Variants in KCMF1 observed in about 807,000 individuals in gnomAD.
The protein encoded by KCMF1 is E3 ubiquitin-protein ligase KCMF1.
A neutral mutation model predicts 41.1 loss-of-function variants in KCMF1; 3 were observed. The observed-to-expected ratio is 0.07, with a 90% confidence interval of 0.03 to 0.19. The LOEUF is 0.19. Among genes scored for constraint, KCMF1 ranks in the 10% least tolerant of loss-of-function variants. The pLI, the probability that KCMF1 is intolerant of heterozygous loss-of-function variation, is 1.00. For missense variants in KCMF1, 286 were observed against 488.9 expected, an observed-to-expected ratio of 0.58 and a Z score of 3.91; for synonymous variants, 142 against 164.5, an observed-to-expected ratio of 0.86 and a Z score of 1.04.
chr2:85,026,018 T>C (rs1675094869), intron 1 of KCMF1, among the ~76,000 whole-genome samples: 1 of 151,776 alleles, frequency 6.6e-6, no homozygotes, highest in East Asian at 1.9e-4. Flanking sequence ...AAAGACAGAG[T>C]CTCACTCTGT....
At chr2:84,995,833 A>G (rs1288337310) in intron 1 of KCMF1, among the ~76,000 whole-genome samples, 2 of 152,216 alleles carry the variant, frequency 1.3e-5, no homozygotes, top group Non-Finnish European at 2.9e-5. Flanking sequence ...TACTTTAAGT[A>G]AAATGCTCAA....
chr2:84,976,474 G>C, intron 1 of KCMF1, among the ~76,000 whole-genome samples: 1 of 151,918 alleles, frequency 6.6e-6, no homozygotes, highest in Non-Finnish European at 1.5e-5. Context: ...CTAAAGTGCT[G>C]GGATTACCGG....
chr2:84,977,005 T>G (rs1188814293), intron 1 of KCMF1, among the ~76,000 whole-genome samples: 2 of 152,112 alleles, frequency 1.3e-5, no homozygotes, highest in African/African-American at 2.4e-5. Context: ...TAATTTTCTC[T>G]CTCTCTCTCC....
intron 1 of KCMF1, among the ~76,000 whole-genome samples, chr2:84,998,203 T>C (rs1332002575): frequency 1.3e-5 from 2 of 152,068 alleles, no homozygotes; most frequent in African/African-American, 4.8e-5. Flanking sequence ...GCACTTCTCC[T>C]GCCTCAGCCT....
At chr2:85,008,674 G>A (rs954315563) in intron 1 of KCMF1, among the ~76,000 whole-genome samples, 3 of 151,594 alleles carry the variant, frequency 2.0e-5, no homozygotes, top group Non-Finnish European at 2.9e-5. Context: ...GGAAACATGC[G>A]TATCAAGCCA....
chr2:85,044,458 C>G (rs1454267554), intron 4 of KCMF1, among the ~76,000 whole-genome samples: 3 of 152,094 alleles, frequency 2.0e-5, no homozygotes, highest in Non-Finnish European at 4.4e-5. Flanking sequence ...TTATTGCAAC[C>G]TCCACCTCCT....
chr2:85,025,475 C>T (rs559776106), intron 1 of KCMF1, among the ~76,000 whole-genome samples: 1 of 152,280 alleles, frequency 6.6e-6, no homozygotes, highest in East Asian at 1.9e-4. Context: ...AGAATTCTTC[C>T]ATTATCCCAA....
intron 3 of KCMF1, among the ~76,000 whole-genome samples, chr2:85,041,755 G>A (rs1675541324): frequency 6.9e-6 from 1 of 145,136 alleles, no homozygotes; most frequent in Non-Finnish European, 1.5e-5. Context: ...TCCAAACATT[G>A]CTGGTCTTTT....
intron 6 of KCMF1, among the ~76,000 whole-genome samples, chr2:85,050,863 G>A (rs1455836434): frequency 2.6e-5 from 4 of 152,228 alleles, no homozygotes; most frequent in African/African-American, 4.8e-5. Flanking sequence ...TATTGTGGGT[G>A]CAGAATAAAA....
intron 1 of KCMF1, among the ~76,000 whole-genome samples, chr2:85,016,975 T>A (rs1347385307): frequency 6.6e-6 from 1 of 150,946 alleles, no homozygotes; most frequent in Admixed American, 6.6e-5. Flanking sequence ...CTAGTTCATC[T>A]TTTTTACTTG....
intron 1 of KCMF1, among the ~76,000 whole-genome samples, chr2:85,009,148 T>A (rs575028965): frequency 7.1e-4 from 108 of 152,242 alleles, no homozygotes; most frequent in African/African-American, 2.5e-3. Context: ...GGGGCAGACT[T>A]CCCCCTTGCT....
At chr2:85,014,724 CGTGTGTGTGTGT>C (rs72066261) in intron 1 of KCMF1, among the ~76,000 whole-genome samples, 1 of 138,206 alleles carries the variant, frequency 7.2e-6, no homozygotes, top group African/African-American at 2.6e-5. Flanking sequence ...TGCGTGCGTG[CGTGTGTGTGTGT>C]GTGTGTGTGT....
intron 2 of KCMF1, among the ~76,000 whole-genome samples, chr2:85,030,101 T>C (rs763268279): frequency 1.3e-5 from 2 of 152,182 alleles, no homozygotes; most frequent in Non-Finnish European, 2.9e-5. Flanking sequence ...ATATAAATTA[T>C]GTTGAGCATC....
Position 84,985,571 on chromosome 2 carries a change from C to G in KCMF1, c.16+14104C>G, listed in dbSNP as rs552251811. On this transcript the variant is annotated intron_variant, in intron 1 of 6. Coordinates refer to ENST00000409785, the MANE Select transcript of KCMF1 (RefSeq NM_020122.5). ...CCTGGCCTGGCGCGGTGGCTCACGC[C>G]TCTAATCTTAGCACTTTGGGAAGCC... Among the ~76,000 whole-genome samples, 246 of 150,818 alleles carry G rather than the reference C, an allele frequency of 1.6e-3. 1 individual carries two copies. Among genetic ancestry groups the G allele is most frequent in the Non-Finnish European group, 2.5e-3 (168 of 67,670 alleles).
chr2:85,055,811 C>T lies in KCMF1; in HGVS notation c.*2402C>T, dbSNP rs1391972316. 1 of 151,950 alleles carries T rather than the reference C, an allele frequency of 6.6e-6. No individual in the cohort carries two copies. The highest frequency in any genetic ancestry group is 1.5e-5 in the Non-Finnish European group (1 of 67,992). The allele number at this position is 151,950 out of a possible 1,614,324, so 9.4% of individuals were successfully genotyped here. ...TTGATGGAGACAAAATCAAAATATA[C>T]CACTGTTTATTTTGGCAGCACCTTC... On this transcript the variant is annotated 3_prime_UTR_variant, in exon 7 of 7. Coordinates refer to ENST00000409785, the MANE Select transcript of KCMF1 (RefSeq NM_020122.5).
intron 1 of KCMF1, among the ~76,000 whole-genome samples, chr2:84,999,932 C>A (rs901756338): frequency 7.2e-5 from 11 of 151,872 alleles, no homozygotes; most frequent in African/African-American, 2.4e-4. Flanking sequence ...ACTTAAATGT[C>A]CCCTGGAGAA....
intron 1 of KCMF1, among the ~76,000 whole-genome samples, chr2:85,021,224 C>T (rs752441575): frequency 6.6e-6 from 1 of 152,164 alleles, no homozygotes; most frequent in Non-Finnish European, 1.5e-5. Context: ...ATCGGGGAGT[C>T]TCACTGCAGC....
At chr2:84,980,584 A>G (rs781327585) in intron 1 of KCMF1, among the ~76,000 whole-genome samples, 3 of 151,880 alleles carry the variant, frequency 2.0e-5, no homozygotes, top group Admixed American at 6.6e-5. Flanking sequence ...TCTGAGTTGT[A>G]GCAAAGTAGA....
intron 2 of KCMF1, among the ~76,000 whole-genome samples, chr2:85,032,518 A>G (rs1675301432): frequency 6.6e-6 from 1 of 152,102 alleles, no homozygotes; most frequent in Non-Finnish European, 1.5e-5. Flanking sequence ...CTGAGACTAC[A>G]GGCGTGCACC....
Sources: gnomAD v4.1 joint callset for allele counts (sites outside exome capture counted in the v4.1 genomes callset) on GRCh38, gnomAD v4.1.1 for gene constraint, MANE v1.5 for transcripts, NCBI Gene and HGNC (gene_info 2026-07-23, HGNC 2026-07-21) for gene names.